The following PAM variants were observed in gnomAD, a reference collection of about 807,000 sequenced individuals.
The protein encoded by PAM is peptidyl-glycine alpha-amidating monooxygenase.
Under a neutral mutation model 122.1 loss-of-function variants are expected in PAM, and 72 were observed. The ratio of observed to expected loss-of-function variants is 0.59; its 90% CI spans 0.49 to 0.72. PAM has a LOEUF of 0.72. PAM is among the 30% of genes least tolerant of loss of function. The pLI is 0.00. For synonymous variants in PAM, 389 were observed against 404.4 expected (o/e 0.96, Z 0.46); for missense variants, 1,106 against 1,183.7 (o/e 0.93, Z 0.96).
chr5:102,819,703 C>A (rs938596688), intron 1 of PAM, among the ~76,000 whole-genome samples: 2 of 151,918 alleles, frequency 1.3e-5, no homozygotes, highest in African/African-American at 4.8e-5. Flanking sequence ...GTTTTTTGGC[C>A]AGTACTATAT....
chr5:102,994,531 A>G (rs1463382787), intron 16 of PAM, among the ~76,000 whole-genome samples: 4 of 152,112 alleles, frequency 2.6e-5, no homozygotes, highest in Middle Eastern at 3.2e-3. Flanking sequence ...CAGTGTTACA[A>G]TTAGTTCCCT....
chr5:102,937,841 TAA>T (rs1322941004), intron 7 of PAM, among the ~76,000 whole-genome samples: 5 of 152,198 alleles, frequency 3.3e-5, no homozygotes, highest in African/African-American at 4.8e-5. Context: ...TCACTGTTTT[TAA>T]AAGTCTTTTG....
At chr5:102,900,845 G>C (rs1797616597) in intron 3 of PAM, among the ~76,000 whole-genome samples, 1 of 151,404 alleles carries the variant, frequency 6.6e-6, no homozygotes, top group Non-Finnish European at 1.5e-5. Flanking sequence ...AGTTAATGTT[G>C]ATTTCTTCAA....
At chr5:102,921,558 C>T (rs907537703) in intron 5 of PAM, among the ~76,000 whole-genome samples, 64 of 152,076 alleles carry the variant, frequency 4.2e-4, no homozygotes, top group African/African-American at 1.4e-3. Context: ...ATTCTTTACT[C>T]AGTCTTGAGT....
At chr5:102,850,222 A>T (rs539312834) in intron 1 of PAM, among the ~76,000 whole-genome samples, 2 of 152,302 alleles carry the variant, frequency 1.3e-5, no homozygotes, top group East Asian at 3.9e-4. Context: ...GGGTTGAAAA[A>T]AAACAAATGA....
At chr5:102,822,657 C>A (rs1464900409) in intron 1 of PAM, among the ~76,000 whole-genome samples, 1 of 152,094 alleles carries the variant, frequency 6.6e-6, no homozygotes, top group Non-Finnish European at 1.5e-5. Context: ...ACCCAGTTCC[C>A]AGAACTGCCC....
intron 21 of PAM, among the ~76,000 whole-genome samples, chr5:103,013,085 G>T (rs1410956523): frequency 2.0e-5 from 3 of 151,988 alleles, no homozygotes; most frequent in African/African-American, 7.2e-5. Flanking sequence ...ATAAATTTTA[G>T]AATTTTTTTC....
chr5:102,927,154 T>C (rs948478414), intron 7 of PAM, among the ~76,000 whole-genome samples: 22 of 152,178 alleles, frequency 1.4e-4, no homozygotes, highest in African/African-American at 5.1e-4. Flanking sequence ...TGTCCACTGC[T>C]GTAAGGCACA....
At chr5:102,988,583 A>T (rs1470839767) in intron 15 of PAM, among the ~76,000 whole-genome samples, 1 of 151,892 alleles carries the variant, frequency 6.6e-6, no homozygotes, top group African/African-American at 2.4e-5. Flanking sequence ...TGCTTCAGAA[A>T]AAAAAGAAGG....
At chr5:102,901,727 A>C (rs1797959650) in intron 4 of PAM, among the ~76,000 whole-genome samples, 1 of 151,428 alleles carries the variant, frequency 6.6e-6, no homozygotes, top group Non-Finnish European at 1.5e-5. Context: ...ATTCCACTCC[A>C]CTCAACAGAC....
chr5:102,923,767 A>G (rs1748303318), intron 5 of PAM, among the ~76,000 whole-genome samples: 1 of 152,208 alleles, frequency 6.6e-6, no homozygotes, highest in Admixed American at 6.5e-5. Context: ...TTGAGGGCTT[A>G]TAAACACGCC....
At position 103,007,120 on chromosome 5, in the gene PAM, G is replaced by A. The variant is rs939173443; in HGVS notation, c.2014+109G>A. The A allele has an allele frequency of 6.2e-6, 5 of 804,968 alleles. No individual in the cohort carries two copies. In the African/African-American group the frequency reaches 8.7e-5, roughly 14 times the overall value. The allele number at this position is 804,968 out of a possible 1,614,324, so 49.9% of individuals were successfully genotyped here. A position where few individuals can be genotyped will look rare whatever the true frequency, so the allele number is the denominator to read the frequency against. ...TTAAGCTGTAATTGTCCCCTACAGG[G>A]TCATTGTAACCTGGGTCATTGTATG... On this transcript the variant is annotated intron_variant, in intron 19 of 25. Coordinates refer to ENST00000438793, the MANE Select transcript of PAM (RefSeq NM_001177306.2).
intron 1 of PAM, among the ~76,000 whole-genome samples, chr5:102,834,063 C>T (rs1199280514): frequency 6.6e-6 from 1 of 151,992 alleles, no homozygotes; most frequent in African/African-American, 2.4e-5. Flanking sequence ...TGTTCTTTAT[C>T]CTCCATTGAT....
downstream of PAM, chr5:103,029,888 C>T (rs929689131): frequency 1.3e-5 from 2 of 152,040 alleles, no homozygotes; most frequent in Non-Finnish European, 2.9e-5. Flanking sequence ...AATTAAAAAC[C>T]AGCCTGAGTT....
At chr5:102,950,317 T>C (rs1158512666) in intron 11 of PAM, among the ~76,000 whole-genome samples, 1 of 152,094 alleles carries the variant, frequency 6.6e-6, no homozygotes, top group African/African-American at 2.4e-5. Flanking sequence ...TTTGGTGCTC[T>C]TGTCATAAAG....
chr5:103,009,207 T>C (rs748840536), intron 20 of PAM, among the ~76,000 whole-genome samples: 1 of 152,194 alleles, frequency 6.6e-6, no homozygotes, highest in Admixed American at 6.5e-5. Flanking sequence ...TGGTCTTTTT[T>C]AATTAAGGAA....
intron 3 of PAM, among the ~76,000 whole-genome samples, chr5:102,870,314 T>C (rs988874126): frequency 1.3e-5 from 2 of 152,058 alleles, no homozygotes; most frequent in Non-Finnish European, 2.9e-5. Context: ...TTGGAAAACT[T>C]GAGATTGTTA....
rs186469222 is a variant in PAM, at chr5:102,910,075, C to A, written c.269-3859C>A. On this transcript the variant is annotated intron_variant, in intron 4 of 25. Transcript: ENST00000438793. ...CTTGGTTATGTGTGTTCTTCAGAAT[C>A]TTTCTATGTCCTAAGTCTGGCAGAA... is the stretch of plus-strand genomic sequence containing the variant. Among the ~76,000 whole-genome samples the A allele has an allele frequency of 1.9e-3, 285 of 151,938 alleles. 1 individual carries two copies. The highest frequency in any genetic ancestry group is 6.4e-3 in the African/African-American group (265 of 41,508).
chr5:102,766,417 C>T (rs1753963015), intron 1 of PAM, among the ~76,000 whole-genome samples: 1 of 152,078 alleles, frequency 6.6e-6, no homozygotes, highest in South Asian at 2.1e-4. Flanking sequence ...CTCTCATGTG[C>T]AGTTGACGTT....
Sources: allele counts gnomAD v4.1 joint callset (sites outside exome capture counted in the v4.1 genomes callset), GRCh38; gene constraint gnomAD v4.1.1; transcripts MANE v1.5; gene names NCBI Gene and HGNC (gene_info 2026-07-23, HGNC 2026-07-21).